Variants in MAGI2 observed in about 807,000 individuals in gnomAD.
MAGI2 encodes the protein membrane associated guanylate kinase, WW and PDZ domain containing 2, also known as membrane-associated guanylate kinase, WW and PDZ domain-containing protein 2.
In MAGI2, 35 loss-of-function variants were observed where a neutral mutation model predicts 133.3. That is an observed-to-expected ratio of 0.26 (90% CI 0.20 to 0.35). The LOEUF (loss-of-function observed/expected upper bound fraction) is 0.35, where lower values mean the gene tolerates loss of function less well. Among genes scored for constraint, MAGI2 ranks in the 10% least tolerant of loss-of-function variants. MAGI2 has a pLI of 1.00. For synonymous variants in MAGI2, 729 were observed against 710.6 expected (o/e 1.03, Z -0.41); for missense variants, 1,636 against 1,863.4 (o/e 0.88, Z 2.25).
chr7:78,825,126 T>G (rs1246052120), intron 2 of MAGI2, among the ~76,000 whole-genome samples: 4 of 152,108 alleles, frequency 2.6e-5, no homozygotes. Flanking sequence ...TGCTGAAACC[T>G]AGCATGCATC....
intron 2 of MAGI2, among the ~76,000 whole-genome samples, chr7:78,731,142 C>T (rs1197190911): frequency 1.3e-5 from 2 of 151,974 alleles, no homozygotes; most frequent in Non-Finnish European, 2.9e-5. Flanking sequence ...ATCAGAAGTG[C>T]CATTGAAGTC....
chr7:78,188,436 C>T (rs1000548447), intron 12 of MAGI2, among the ~76,000 whole-genome samples: 10 of 152,096 alleles, frequency 6.6e-5, no homozygotes, highest in Non-Finnish European at 1.5e-4. Context: ...AACAATAATG[C>T]TTTTCCCATG....
At chr7:79,310,969 C>G (rs933512780) in intron 1 of MAGI2, among the ~76,000 whole-genome samples, 4 of 148,642 alleles carry the variant, frequency 2.7e-5, no homozygotes, top group Admixed American at 1.4e-4. Flanking sequence ...CACACACACC[C>G]CTCTCCATTT....
At chr7:79,176,408 T>A (rs1394039680) in intron 1 of MAGI2, among the ~76,000 whole-genome samples, 1 of 152,028 alleles carries the variant, frequency 6.6e-6, no homozygotes, top group African/African-American at 2.4e-5. Context: ...CACCTTTCCC[T>A]CTGCACAGTA....
At chr7:78,961,528 A>T (rs2115783922) in intron 2 of MAGI2, among the ~76,000 whole-genome samples, 1 of 152,238 alleles carries the variant, frequency 6.6e-6, no homozygotes, top group African/African-American at 2.4e-5. Flanking sequence ...AAAAAGAAAA[A>T]TTTTAATTGT....
At chr7:79,384,604 T>C (rs1319263551) in intron 1 of MAGI2, among the ~76,000 whole-genome samples, 1 of 151,654 alleles carries the variant, frequency 6.6e-6, no homozygotes, top group South Asian at 2.1e-4. Context: ...GGTTTTCTCA[T>C]TAGCTATTGA....
At chr7:78,426,807 A>C (rs1799324574) in intron 6 of MAGI2, among the ~76,000 whole-genome samples, 1 of 152,178 alleles carries the variant, frequency 6.6e-6, no homozygotes, top group Non-Finnish European at 1.5e-5. Flanking sequence ...AATATAAAGA[A>C]AATCTAACCT....
intron 2 of MAGI2, among the ~76,000 whole-genome samples, chr7:78,662,529 G>T (rs1813081968): frequency 3.3e-5 from 5 of 151,948 alleles, no homozygotes; most frequent in Admixed American, 3.3e-4. Flanking sequence ...TACTTTTACT[G>T]AATGTATTTT....
rs755034898 is a variant in MAGI2 at position 78,775,238 on chromosome 7, G to C, written c.419-147999C>G. ...TGAGGCAGGCGAATGGTGTGAACCC[G>C]GGAGGCAGAGCTTGCAGTGAGCCCA... On this transcript the variant is annotated intron_variant, in intron 2 of 21. Transcript: ENST00000354212. Among the ~76,000 whole-genome samples, 12 of 149,772 alleles carry C rather than the reference G, an allele frequency of 8.0e-5. 1 individual carries two copies. The highest frequency in any genetic ancestry group is 6.9e-3 in the Middle Eastern group (2 of 290).
chr7:78,278,342 C>T (rs772232815), intron 9 of MAGI2, among the ~76,000 whole-genome samples: 1 of 152,072 alleles, frequency 6.6e-6, no homozygotes, highest in Non-Finnish European at 1.5e-5. Context: ...GTCTGCTCTA[C>T]TAATTCAGAT....
At chr7:78,964,797 G>C (rs1288141831) in intron 2 of MAGI2, among the ~76,000 whole-genome samples, 1 of 151,924 alleles carries the variant, frequency 6.6e-6, no homozygotes, top group African/African-American at 2.4e-5. Context: ...TAGAACTTAT[G>C]ATGACTTTAC....
At chr7:79,362,661 C>T (rs953308847) in intron 1 of MAGI2, among the ~76,000 whole-genome samples, 3 of 151,864 alleles carry the variant, frequency 2.0e-5, no homozygotes, top group Admixed American at 6.6e-5. Flanking sequence ...GGTAATCTAT[C>T]GTATCAACAA....
chr7:79,404,412 T>A (rs1845669670), intron 1 of MAGI2, among the ~76,000 whole-genome samples: 1 of 152,124 alleles, frequency 6.6e-6, no homozygotes, highest in South Asian at 2.1e-4. Context: ...CATAGGTCAC[T>A]GCAGCCTTGA....
chr7:78,427,915 A>G (rs1799442764), intron 6 of MAGI2, among the ~76,000 whole-genome samples: 1 of 152,124 alleles, frequency 6.6e-6, no homozygotes, highest in South Asian at 2.1e-4. Context: ...GTCTAGGCCA[A>G]AAGACAACCA....
chr7:79,158,440 G>A (rs1428024946), intron 1 of MAGI2, among the ~76,000 whole-genome samples: 8 of 151,990 alleles, frequency 5.3e-5, no homozygotes, highest in Non-Finnish European at 8.8e-5. Flanking sequence ...TGGCTTTAAA[G>A]TTATTGGTAA....
chr7:78,057,979 A>ATG (rs1812783627), intron 21 of MAGI2, among the ~76,000 whole-genome samples: 1 of 104,072 alleles, frequency 9.6e-6, no homozygotes, highest in African/African-American at 3.9e-5. Context: ...ATATATGTGT[A>ATG]TATATATATA....
At chr7:78,075,300 G>A (rs138882890) in intron 21 of MAGI2, among the ~76,000 whole-genome samples, 3 of 152,234 alleles carry the variant, frequency 2.0e-5, no homozygotes, top group African/African-American at 7.2e-5. Context: ...GCCTGCATGT[G>A]GATTCCTCCA....
At chr7:79,037,845 A>T (rs1562817587) in intron 1 of MAGI2, among the ~76,000 whole-genome samples, 1 of 151,888 alleles carries the variant, frequency 6.6e-6, no homozygotes, top group African/African-American at 2.4e-5. Flanking sequence ...AAACTGGAAA[A>T]TTTTTCTTGT....
chr7:78,262,289 TTTTG>T (rs1447385207), intron 9 of MAGI2, among the ~76,000 whole-genome samples: 5 of 152,272 alleles, frequency 3.3e-5, no homozygotes, highest in African/African-American at 1.2e-4. Context: ...AGAAGAATCT[TTTTG>T]TTTATTCTTA....
Sources: gnomAD v4.1 joint callset for allele counts (sites outside exome capture counted in the v4.1 genomes callset) on GRCh38, gnomAD v4.1.1 for gene constraint, MANE v1.5 for transcripts, NCBI Gene and HGNC (gene_info 2026-07-23, HGNC 2026-07-21) for gene names.